The following EGFLAM variants were observed in gnomAD, a reference collection of about 807,000 sequenced individuals.
EGFLAM encodes EGF like, fibronectin type III and laminin G domains.
In EGFLAM, 79 loss-of-function variants were observed where a neutral mutation model predicts 113.1. The ratio of observed to expected loss-of-function variants is 0.70; its 90% confidence interval spans 0.58 to 0.84. EGFLAM has a LOEUF of 0.84. Among genes scored for constraint, EGFLAM ranks in the 40% least tolerant of loss-of-function variants. The pLI is 0.00. For missense variants in EGFLAM, 1,265 were observed against 1,291.6 expected, an observed-to-expected ratio of 0.98 and a Z score of 0.32; for synonymous variants, 504 against 487.6, an observed-to-expected ratio of 1.03 and a Z score of -0.44.
chr5:38,342,980 A>T (rs1176473337), intron 3 of EGFLAM, among the ~76,000 whole-genome samples: 2 of 152,146 alleles, frequency 1.3e-5, no homozygotes, highest in East Asian at 3.9e-4. Context: ...TTTAGAGTCC[A>T]CTGGTTGACC....
intron 6 of EGFLAM, among the ~76,000 whole-genome samples, chr5:38,391,498 A>C (rs371103319): frequency 1.4e-3 from 214 of 151,800 alleles, no homozygotes; most frequent in Middle Eastern, 3.4e-3. Context: ...TCCTGGGTTC[A>C]AGTGATTCTC....
chr5:38,271,303 G>T (rs1478849106), intron 1 of EGFLAM, among the ~76,000 whole-genome samples: 1 of 152,158 alleles, frequency 6.6e-6, no homozygotes. Flanking sequence ...AAATGTAAAA[G>T]ATGCTATTTC....
At position 38,407,092 on chromosome 5, in the gene EGFLAM, G is replaced by A. The variant is rs376693142; in HGVS notation, c.1093G>A (p.Gly365Arg). Residue 365 changes from glycine to arginine, a missense_variant, in exon 8 of 22, where the codon GGG becomes AGG. Transcript: ENST00000322350. Reference sequence around the variant, plus strand: ...CTTCTGTGTCAATGACTACACCTGGGGGGGCTCGCGATGCCAGTGCACCCT... The same window carrying A: ...CTTCTGTGTCAATGACTACACCTGGAGGGGCTCGCGATGCCAGTGCACCCT... ...DSFCVNDYTW[G>R]GSRCQCTLGK... 18 of 1,613,998 alleles carry A rather than the reference G, an allele frequency of 1.1e-5. No homozygotes were observed. The highest frequency in any genetic ancestry group is 1.4e-5 in the Non-Finnish European group (17 of 1,180,036).
intron 17 of EGFLAM, among the ~76,000 whole-genome samples, chr5:38,448,037 C>T (rs890528699): frequency 2.0e-5 from 3 of 152,110 alleles, no homozygotes; most frequent in Admixed American, 6.5e-5. Flanking sequence ...AGTTTCAGCA[C>T]ATTGTGAGGC....
chr5:38,318,592 C>T (rs1424677665), intron 1 of EGFLAM, among the ~76,000 whole-genome samples: 1 of 151,956 alleles, frequency 6.6e-6, no homozygotes, highest in African/African-American at 2.4e-5. Flanking sequence ...GTAATCCCTT[C>T]CACCTCCCAG....
intron 3 of EGFLAM, among the ~76,000 whole-genome samples, chr5:38,340,223 C>A (rs2111954593): frequency 6.6e-6 from 1 of 152,270 alleles, no homozygotes; most frequent in Middle Eastern, 3.4e-3. Context: ...GACTTTTAGG[C>A]CTGTTTCTTC....
At chr5:38,403,892 G>T in intron 6 of EGFLAM, 1 of 1,613,868 alleles carries the variant, frequency 6.2e-7, no homozygotes, top group Non-Finnish European at 8.5e-7. Context: ...ATGCATCCAG[G>T]TATAAATCTG....
At chr5:38,278,400 G>C (rs1016279386) in intron 1 of EGFLAM, among the ~76,000 whole-genome samples, 7 of 151,740 alleles carry the variant, frequency 4.6e-5, no homozygotes, top group African/African-American at 7.3e-5. Flanking sequence ...AACTCAAACT[G>C]GATTAAAGAC....
At chr5:38,351,750 A>G (rs140970424) in intron 4 of EGFLAM, among the ~76,000 whole-genome samples, 128 of 152,318 alleles carry the variant, frequency 8.4e-4, no homozygotes, top group Non-Finnish European at 1.7e-3. Context: ...CACACAGAGA[A>G]AAGAATGATT....
intron 17 of EGFLAM, among the ~76,000 whole-genome samples, chr5:38,446,274 C>T (rs550295985): frequency 1.3e-4 from 20 of 152,226 alleles, no homozygotes; most frequent in South Asian, 4.2e-4. Context: ...TCTGTCTATT[C>T]CTCTGGGTCT....
intron 1 of EGFLAM, chr5:38,286,061 T>C (rs183413790): frequency 1.1e-4 from 17 of 152,182 alleles, no homozygotes; most frequent in African/African-American, 3.9e-4. Context: ...TCTTCTGTAA[T>C]GACACACATA....
intron 19 of EGFLAM, among the ~76,000 whole-genome samples, chr5:38,452,527 G>A (rs143988256): frequency 6.6e-6 from 1 of 152,178 alleles, no homozygotes; most frequent in African/African-American, 2.4e-5. Context: ...GCAGAAAGAA[G>A]ACTTGGATAC....
chr5:38,312,547 A>G (rs190619085), intron 1 of EGFLAM, among the ~76,000 whole-genome samples: 1 of 152,086 alleles, frequency 6.6e-6, no homozygotes, highest in African/African-American at 2.4e-5. Context: ...GCCACCTCAG[A>G]TTCTTATATG....
chr5:38,363,767 T>C (rs775787157), intron 5 of EGFLAM, among the ~76,000 whole-genome samples: 2 of 152,234 alleles, frequency 1.3e-5, no homozygotes, highest in Non-Finnish European at 1.5e-5. Flanking sequence ...ATAGGCTTCA[T>C]TGGACTGTCA....
At chr5:38,399,744 T>G (rs1484303223) in intron 6 of EGFLAM, 1 of 152,042 alleles carries the variant, frequency 6.6e-6, no homozygotes, top group Non-Finnish European at 1.5e-5. Flanking sequence ...ACTTCAAGAG[T>G]AGGGAATAAG....
chr5:38,409,054 G>A lies in EGFLAM; in HGVS notation c.1299G>A (p.Gly433=). 1 of 1,595,732 alleles carries A rather than the reference G, an allele frequency of 6.3e-7. No homozygotes were observed. The highest frequency in any genetic ancestry group is 1.1e-5 in the South Asian group (1 of 87,836). Residue 433 remains glycine (G), a synonymous_variant, in exon 10 of 22, where the codon GGG becomes GGA. Coordinates refer to ENST00000322350, the MANE Select transcript of EGFLAM (RefSeq NM_152403.4). Reference sequence around the variant, plus strand: ...TCTACTGTGGGGAGAACGAACACGGGAGGGGGGATTTCATGTCCCTGGCTA... The same window carrying A: ...TCTACTGTGGGGAGAACGAACACGGAAGGGGGGATTTCATGTCCCTGGCTA... The part of the protein sequence containing the change: ...LLLYCGENEH[G]RGDFMSLAII...
At chr5:38,260,434 A>G (rs1469617507) in intron 1 of EGFLAM, among the ~76,000 whole-genome samples, 1 of 152,228 alleles carries the variant, frequency 6.6e-6, no homozygotes, top group African/African-American at 2.4e-5. Flanking sequence ...AAAACTGCTC[A>G]TGTGGGTCAT....
intron 1 of EGFLAM, among the ~76,000 whole-genome samples, chr5:38,297,372 G>A (rs532044153): frequency 6.6e-6 from 1 of 152,302 alleles, no homozygotes; most frequent in South Asian, 2.1e-4. Context: ...TATCCTTAGA[G>A]AGTCATCTTT....
At chr5:38,268,005 G>T (rs1191412775) in intron 1 of EGFLAM, among the ~76,000 whole-genome samples, 1 of 152,080 alleles carries the variant, frequency 6.6e-6, no homozygotes, top group Non-Finnish European at 1.5e-5. Flanking sequence ...AGCTACTTTC[G>T]AGTGGCTGAA....
Sources: allele counts gnomAD v4.1 joint callset (sites outside exome capture counted in the v4.1 genomes callset), GRCh38; gene constraint gnomAD v4.1.1; transcripts MANE v1.5; gene names NCBI Gene and HGNC (gene_info 2026-07-23, HGNC 2026-07-21).